SH3RF3: variants seen among roughly 807,000 people sequenced by gnomAD.
SH3RF3 encodes the protein E3 ubiquitin-protein ligase SH3RF3.
A neutral mutation model predicts 66.3 loss-of-function variants in SH3RF3; 29 were observed. The ratio of observed to expected loss-of-function variants is 0.44; its 90% CI spans 0.33 to 0.60. The LOEUF (loss-of-function observed/expected upper bound fraction) is 0.60. SH3RF3 is among the 20% of genes least tolerant of loss of function. The pLI is 0.04. For missense variants in SH3RF3, 1,194 were observed against 1,190.9 expected (o/e 1.00, Z -0.04); for synonymous variants, 583 against 532.0 (o/e 1.10, Z -1.32).
chr2:109,146,640 T>C (rs1677103051), intron 1 of SH3RF3, among the ~76,000 whole-genome samples: 1 of 152,212 alleles, frequency 6.6e-6, no homozygotes, highest in South Asian at 2.1e-4. Context: ...GGTGGCTGAC[T>C]GACCATCTCC....
At chr2:109,131,011 T>TA (rs546070513) in intron 1 of SH3RF3, among the ~76,000 whole-genome samples, 86 of 152,054 alleles carry the variant, frequency 5.7e-4, no homozygotes, top group Non-Finnish European at 8.7e-4. Flanking sequence ...ACTTAAATGT[T>TA]AAAAAAAATA....
At chr2:109,489,527 CT>C in intron 8 of SH3RF3, among the ~76,000 whole-genome samples, 1 of 152,216 alleles carries the variant, frequency 6.6e-6, no homozygotes, top group East Asian at 1.9e-4. Flanking sequence ...ATGACATTGA[CT>C]GCTGGTTCCT....
chr2:109,201,746 A>G (rs930847118), intron 1 of SH3RF3, among the ~76,000 whole-genome samples: 2 of 152,230 alleles, frequency 1.3e-5, no homozygotes, highest in Non-Finnish European at 2.9e-5. Flanking sequence ...GGCACAGCCA[A>G]GCGGTGAAAG....
intron 4 of SH3RF3, 35 bp from the exon 5 acceptor site, chr2:109,419,504 T>C: frequency 6.5e-7 from 1 of 1,550,370 alleles, no homozygotes; most frequent in Non-Finnish European, 8.7e-7. Context: ...GGAGTCTCTG[T>C]CTCCTCACTC....
chr2:109,478,122 G>A (rs560609067), intron 8 of SH3RF3, among the ~76,000 whole-genome samples: 5 of 152,234 alleles, frequency 3.3e-5, no homozygotes, highest in Non-Finnish European at 7.3e-5. Flanking sequence ...CTCTGCAGCC[G>A]GAGAGGAGCT....
intron 4 of SH3RF3, among the ~76,000 whole-genome samples, chr2:109,412,121 G>A (rs79298829): frequency 0.066 from 9,984 of 152,314 alleles, 466 homozygotes; most frequent in East Asian, 0.26. Flanking sequence ...GTCGGTGGAT[G>A]CCGGCACAGA....
intron 3 of SH3RF3, among the ~76,000 whole-genome samples, chr2:109,394,725 C>T (rs1427747063): frequency 6.6e-6 from 1 of 152,218 alleles, no homozygotes; most frequent in Non-Finnish European, 1.5e-5. Context: ...CAGATAGAGC[C>T]ACTGGAGTCC....
intron 1 of SH3RF3, among the ~76,000 whole-genome samples, chr2:109,261,117 A>G (rs1013998809): frequency 3.3e-5 from 5 of 152,296 alleles, no homozygotes; most frequent in African/African-American, 4.8e-5. Flanking sequence ...TGGGGGCCCA[A>G]CAGCCAGGCC....
At chr2:109,242,704 G>A (rs919574374) in intron 1 of SH3RF3, among the ~76,000 whole-genome samples, 1 of 152,190 alleles carries the variant, frequency 6.6e-6, no homozygotes, top group African/African-American at 2.4e-5. Context: ...CATTTCGTGA[G>A]CCCTGGTCTG....
At chr2:109,176,303 T>C (rs1230253853) in intron 1 of SH3RF3, among the ~76,000 whole-genome samples, 1 of 152,162 alleles carries the variant, frequency 6.6e-6, no homozygotes, top group African/African-American at 2.4e-5. Flanking sequence ...AATTGAAAGG[T>C]TATTTCATTG....
intron 1 of SH3RF3, among the ~76,000 whole-genome samples, chr2:109,247,050 A>G (rs1196193762): frequency 6.6e-6 from 1 of 152,036 alleles, no homozygotes; most frequent in Non-Finnish European, 1.5e-5. Context: ...TCCTGTAGTC[A>G]CAACTACATT....
chr2:109,262,540 A>G (rs1341454052), intron 1 of SH3RF3, among the ~76,000 whole-genome samples: 1 of 152,154 alleles, frequency 6.6e-6, no homozygotes, highest in Non-Finnish European at 1.5e-5. Flanking sequence ...CTCATCCTTC[A>G]AAGGTTTTCT....
At chr2:109,406,768 C>T (rs1351710852) in intron 4 of SH3RF3, among the ~76,000 whole-genome samples, 1 of 151,984 alleles carries the variant, frequency 6.6e-6, no homozygotes, top group African/African-American at 2.4e-5. Context: ...AGAATGTCTC[C>T]AGGACCATAG....
At chr2:109,144,758 C>T (rs1418034477) in intron 1 of SH3RF3, among the ~76,000 whole-genome samples, 1 of 152,254 alleles carries the variant, frequency 6.6e-6, no homozygotes, top group Non-Finnish European at 1.5e-5. Flanking sequence ...GGCCACCTCA[C>T]ACTGTCTGCA....
chr2:109,420,421 T>TTTGTTG (rs141792378), intron 5 of SH3RF3, among the ~76,000 whole-genome samples: 58 of 152,140 alleles, frequency 3.8e-4, no homozygotes, highest in African/African-American at 1.3e-3. Context: ...AACAGGATTT[T>TTTGTTG]TTGTTGTTGT....
chr2:109,304,002 G>A (rs1681535491), intron 1 of SH3RF3, among the ~76,000 whole-genome samples: 1 of 152,062 alleles, frequency 6.6e-6, no homozygotes, highest in Admixed American at 6.5e-5. Context: ...TTCAGAGGCT[G>A]AGGCAGGAGA....
Position 109,490,628 on chromosome 2 carries a change from G to A in SH3RF3, c.2172G>A (p.Leu724=). The part of the protein sequence containing the change: ...SEKKEKKSGL[L]KLLAGASTKK... ...AGAAAGAGAAGAAGAGTGGGCTCCT[G>A]AAGCTTCTAGCCGGAGCATCCACCA... Residue 724 remains leucine (L), a synonymous_variant, in exon 9 of 10, where the codon CTG becomes CTA. Transcript: ENST00000309415. The A allele has an allele frequency of 2.0e-6, 3 of 1,470,738 alleles. No homozygotes were observed. The highest frequency in any genetic ancestry group is 2.5e-5 in the East Asian group (1 of 39,306). The allele number at this position is 1,470,738 out of a possible 1,614,324, so 91.1% of individuals were successfully genotyped here. A position where few individuals can be genotyped will look rare whatever the true frequency, so the allele number is the denominator to read the frequency against.
intron 3 of SH3RF3, among the ~76,000 whole-genome samples, chr2:109,375,116 C>G (rs1437024952): frequency 1.3e-5 from 2 of 152,216 alleles, no homozygotes; most frequent in Non-Finnish European, 2.9e-5. Flanking sequence ...TCCACAGCCC[C>G]TGGCACCCAC....
chr2:109,188,856 CA>C (rs1354816255), intron 1 of SH3RF3, among the ~76,000 whole-genome samples: 2 of 152,074 alleles, frequency 1.3e-5, no homozygotes, highest in African/African-American at 2.4e-5. Flanking sequence ...GTGCAGTTGC[CA>C]GGGGGAACGT....
Sources: gnomAD v4.1 joint callset for allele counts (sites outside exome capture counted in the v4.1 genomes callset) on GRCh38, gnomAD v4.1.1 for gene constraint, MANE v1.5 for transcripts, NCBI Gene and HGNC (gene_info 2026-07-23, HGNC 2026-07-21) for gene names.